SRD5A1: variants seen among roughly 807,000 people sequenced by gnomAD.
SRD5A1 encodes the protein steroid 5 alpha-reductase 1, also known as 3-oxo-5-alpha-steroid 4-dehydrogenase 1.
SRD5A1 carries 22 observed loss-of-function variants against 28.2 expected under a neutral mutation model. The observed-to-expected ratio is 0.78, with a 90% CI of 0.56 to 1.12. SRD5A1 has a LOEUF of 1.12. Ranked by LOEUF, SRD5A1 falls within the 50% of genes most tolerant of loss-of-function variation. SRD5A1 has a pLI of 0.00. For missense variants in SRD5A1, 300 were observed against 346.7 expected, an observed-to-expected ratio of 0.87 and a Z score of 1.07; for synonymous variants, 151 against 135.0, an observed-to-expected ratio of 1.12 and a Z score of -0.82.
At position 6,669,327 on chromosome 5, in the gene SRD5A1, T is replaced by A. The variant is rs192786206; in HGVS notation, c.*1059T>A. The A allele has an allele frequency of 1.3e-5, 2 of 152,388 alleles. No homozygotes were observed. The allele number at this position is 152,388 out of a possible 1,614,324, so 9.4% of individuals were successfully genotyped here. On this transcript the variant is annotated 3_prime_UTR_variant, in exon 5 of 5. Transcript: ENST00000274192. Reference sequence around the variant, plus strand: ...TAATAGTTTTTGCTTTCTGTTTTGCTGTTGTTGCTTTGCAAAGCTTTCCCC... The same window carrying A: ...TAATAGTTTTTGCTTTCTGTTTTGCAGTTGTTGCTTTGCAAAGCTTTCCCC...
intron 1 of SRD5A1, among the ~76,000 whole-genome samples, chr5:6,642,928 A>G (rs997385955): frequency 2.6e-5 from 4 of 152,214 alleles, no homozygotes; most frequent in Non-Finnish European, 2.9e-5. Flanking sequence ...TTCACTGTTG[A>G]CACTATGGGC....
chr5:6,668,295 A>T lies in SRD5A1; in HGVS notation c.*27A>T, dbSNP rs779375739. On this transcript the variant is annotated 3_prime_UTR_variant, in exon 5 of 5. Coordinates refer to ENST00000274192, the MANE Select transcript of SRD5A1 (RefSeq NM_001047.4). Reference sequence around the variant, plus strand: ...TGCGTTTTTCATGAAATTATCTTCAACTTGAAGCTTTCCAATGGCGCTTCT... The same window carrying T: ...TGCGTTTTTCATGAAATTATCTTCATCTTGAAGCTTTCCAATGGCGCTTCT... The T allele has an allele frequency of 1.4e-6, 2 of 1,380,462 alleles. No individual in the cohort carries two copies. Among genetic ancestry groups the T allele is most frequent in the African/African-American group, 2.9e-5 (2 of 68,816 alleles). 85.5% of individuals were successfully genotyped at this position (1,380,462 alleles called of 1,614,324 possible).
At chr5:6,642,572 C>T (rs544695702) in intron 1 of SRD5A1, among the ~76,000 whole-genome samples, 1 of 152,194 alleles carries the variant, frequency 6.6e-6, no homozygotes, top group African/African-American at 2.4e-5. Context: ...AAGTACAGAA[C>T]GCAGTTTGAT....
Position 6,671,541 on chromosome 5 carries a change from T to C in SRD5A1, c.*3273T>C, listed in dbSNP as rs1169252327. On this transcript the variant is annotated 3_prime_UTR_variant, in exon 5 of 5. Transcript: ENST00000274192. The stretch of plus-strand genomic sequence containing the variant: ...TCCCATCTATTTATCTTTGTTTTTA[T>C]TGTTGGAAACTATTATTCTAAGTTA... 1 of 152,224 alleles carries C rather than the reference T, an allele frequency of 6.6e-6. No homozygotes were observed. The highest frequency in any genetic ancestry group is 2.4e-5 in the African/African-American group (1 of 41,454). 9.4% of individuals were successfully genotyped at this position (152,224 alleles called of 1,614,324 possible).
intron 1 of SRD5A1, among the ~76,000 whole-genome samples, chr5:6,636,713 G>A (rs1738194185): frequency 6.6e-6 from 1 of 152,208 alleles, no homozygotes; most frequent in Admixed American, 6.5e-5. Flanking sequence ...GGGATAGAGG[G>A]AATGGTGCGC....
chr5:6,646,756 T>C (rs1048219294), intron 1 of SRD5A1, among the ~76,000 whole-genome samples: 4 of 152,112 alleles, frequency 2.6e-5, no homozygotes, highest in Non-Finnish European at 5.9e-5. Context: ...TTTTGAAGGG[T>C]TTTTCATGTC....
At chr5:6,658,312 G>A (rs985370286) in intron 3 of SRD5A1, among the ~76,000 whole-genome samples, 1 of 152,104 alleles carries the variant, frequency 6.6e-6, no homozygotes, top group Non-Finnish European at 1.5e-5. Context: ...ACGACAGAGT[G>A]AGACTCTGTC....
chr5:6,652,082 T>C, intron 2 of SRD5A1, 74 bp downstream of exon 2: 1 of 1,472,810 alleles, frequency 6.8e-7, no homozygotes, highest in African/African-American at 1.4e-5. Context: ...TGGTTTCTAA[T>C]GAGAAAGTCC....
intron 1 of SRD5A1, among the ~76,000 whole-genome samples, chr5:6,637,021 A>G (rs8192141): frequency 0.017 from 2,631 of 152,258 alleles, 34 homozygotes; most frequent in Non-Finnish European, 0.027. Flanking sequence ...TTTAGGGCTC[A>G]CGGTAGCGAC....
At chr5:6,651,448 G>A (rs1028340994) in intron 1 of SRD5A1, among the ~76,000 whole-genome samples, 1 of 152,154 alleles carries the variant, frequency 6.6e-6, no homozygotes, top group Admixed American at 6.5e-5. Context: ...ACTTGAGGTC[G>A]AAGTTTGAGA....
At chr5:6,641,834 AG>A (rs1367209476) in intron 1 of SRD5A1, among the ~76,000 whole-genome samples, 1 of 152,262 alleles carries the variant, frequency 6.6e-6, no homozygotes, top group Non-Finnish European at 1.5e-5. Context: ...TCACTCCCAG[AG>A]CACAGCCAAA....
intron 3 of SRD5A1, 96 bp from the exon 4 acceptor site, chr5:6,662,720 G>A: frequency 1.5e-6 from 2 of 1,369,644 alleles, no homozygotes; most frequent in East Asian, 2.3e-5. Context: ...TTCCGTTCTT[G>A]AATTTATGTT....
At chr5:6,650,806 A>T (rs1315490119) in intron 1 of SRD5A1, among the ~76,000 whole-genome samples, 1 of 39,294 alleles carries the variant, frequency 2.5e-5, no homozygotes. Context: ...CCCCCACCCC[A>T]CAACAGTCCC....
chr5:6,651,781 G>A, intron 1 of SRD5A1, 61 bp from the exon 2 acceptor site: 2 of 1,463,826 alleles, frequency 1.4e-6, no homozygotes, highest in East Asian at 2.3e-5. Flanking sequence ...TTTAAGATAG[G>A]ATTACAGAAA....
Position 6,657,246 on chromosome 5 carries a change from G to A in SRD5A1, c.562+1067G>A, listed in dbSNP as rs148299504. Among the ~76,000 whole-genome samples, 419 of 152,352 alleles carry A rather than the reference G, an allele frequency of 2.8e-3. 2 individuals carry two copies. Among genetic ancestry groups the A allele is most frequent in the Middle Eastern group, 0.014 (4 of 294 alleles). On this transcript the variant is annotated intron_variant, in intron 3 of 4. Transcript: ENST00000274192. ...GGAATCAGCAAAGCCAGCTCCAGAC[G>A]TGATGGTAGTGTGATAGAAGTGGCA...
chr5:6,664,400 T>C (rs1211143211), intron 4 of SRD5A1, among the ~76,000 whole-genome samples: 2 of 152,002 alleles, frequency 1.3e-5, no homozygotes, highest in African/African-American at 2.4e-5. Context: ...ATCTGAAGTA[T>C]CTCTTTGTCT....
At chr5:6,659,378 G>C (rs2126546995) in intron 3 of SRD5A1, among the ~76,000 whole-genome samples, 1 of 152,210 alleles carries the variant, frequency 6.6e-6, no homozygotes, top group East Asian at 2.0e-4. Context: ...CTCCCAAAGT[G>C]CTGGGATTAC....
At chr5:6,665,337 A>G (rs932601208) in intron 4 of SRD5A1, among the ~76,000 whole-genome samples, 1 of 152,226 alleles carries the variant, frequency 6.6e-6, no homozygotes, top group African/African-American at 2.4e-5. Context: ...TAAGCCACCC[A>G]GTGTGTGGTT....
At chr5:6,639,577 T>G (rs1738299627) in intron 1 of SRD5A1, among the ~76,000 whole-genome samples, 1 of 152,232 alleles carries the variant, frequency 6.6e-6, no homozygotes, top group South Asian at 2.1e-4. Context: ...CAATAATCCA[T>G]TTTTCTTCCT....
Sources: gnomAD v4.1 joint callset for allele counts (sites outside exome capture counted in the v4.1 genomes callset) on GRCh38, gnomAD v4.1.1 for gene constraint, MANE v1.5 for transcripts, NCBI Gene and HGNC (gene_info 2026-07-23, HGNC 2026-07-21) for gene names.